GPATCH2: variants seen among roughly 807,000 people sequenced by gnomAD.
The protein encoded by GPATCH2 is G patch domain-containing protein 2.
In GPATCH2, 51 loss-of-function variants were observed where a neutral mutation model predicts 58.0. The observed-to-expected ratio is 0.88, with a 90% confidence interval of 0.70 to 1.11. GPATCH2 has a LOEUF of 1.11. GPATCH2 is among the 50% of genes most tolerant of loss of function. GPATCH2 has a pLI of 0.00. For synonymous variants in GPATCH2, 222 were observed against 218.5 expected (o/e 1.02, Z -0.14); for missense variants, 625 against 652.2 (o/e 0.96, Z 0.45).
Position 217,629,410 on chromosome 1 carries a change from T to G in GPATCH2, c.56+1506A>C, listed in dbSNP as rs187121345. The stretch of plus-strand genomic sequence containing the variant: ...TGACAAGCGAGCCTTTAAAGAGAAT[T>G]GAAGGAGGTTTCTCTCAGTACCTAA... On this transcript the variant is annotated intron_variant, in intron 1 of 9. Coordinates refer to ENST00000366935, the MANE Select transcript of GPATCH2 (RefSeq NM_018040.5). Among the ~76,000 whole-genome samples, 69 of 152,246 alleles carry G rather than the reference T, an allele frequency of 4.5e-4. 1 individual carries two copies. Among genetic ancestry groups the G allele is most frequent in the Admixed American group, 4.1e-3 (62 of 15,286 alleles).
At chr1:217,493,046 A>C (rs1661825978) in intron 7 of GPATCH2, among the ~76,000 whole-genome samples, 1 of 152,148 alleles carries the variant, frequency 6.6e-6, no homozygotes, top group African/African-American at 2.4e-5. Context: ...GTCTGAACTA[A>C]ATAAGTATTC....
At chr1:217,579,257 G>T (rs1257664532) in intron 5 of GPATCH2, among the ~76,000 whole-genome samples, 1 of 151,696 alleles carries the variant, frequency 6.6e-6, no homozygotes, top group East Asian at 1.9e-4. Flanking sequence ...TAAAAAAACA[G>T]TGGCAAAGAA....
chr1:217,449,747 A>G (rs796127224), intron 8 of GPATCH2, among the ~76,000 whole-genome samples: 5 of 152,334 alleles, frequency 3.3e-5, no homozygotes, highest in African/African-American at 1.2e-4. Flanking sequence ...AAGTATGATC[A>G]ATTTCTTTTA....
chr1:217,591,015 T>C (rs918911957), intron 5 of GPATCH2, among the ~76,000 whole-genome samples: 3 of 152,168 alleles, frequency 2.0e-5, no homozygotes, highest in African/African-American at 4.8e-5. Flanking sequence ...AAATAGTTTA[T>C]ATTTTATTTT....
intron 5 of GPATCH2, among the ~76,000 whole-genome samples, chr1:217,575,729 T>C (rs1423956562): frequency 6.6e-6 from 1 of 152,170 alleles, no homozygotes; most frequent in Non-Finnish European, 1.5e-5. Context: ...GCTCTAGATT[T>C]CAATTTAATA....
At chr1:217,472,218 G>A (rs752647785) in intron 8 of GPATCH2, among the ~76,000 whole-genome samples, 1 of 151,090 alleles carries the variant, frequency 6.6e-6, no homozygotes, top group Non-Finnish European at 1.5e-5. Flanking sequence ...GCATAAAAAT[G>A]TGTTAAAACA....
chr1:217,594,726 G>A (rs988041831), intron 5 of GPATCH2, among the ~76,000 whole-genome samples: 13 of 152,090 alleles, frequency 8.5e-5, no homozygotes, highest in African/African-American at 3.1e-4. Flanking sequence ...ATAAGTTTAT[G>A]TCCTCCTAAA....
intron 5 of GPATCH2, among the ~76,000 whole-genome samples, chr1:217,544,693 C>A (rs143918378): frequency 6.6e-6 from 1 of 152,294 alleles, no homozygotes; most frequent in Non-Finnish European, 1.5e-5. Context: ...TCTCGCTCTT[C>A]GGTTCTTCAC....
intron 9 of GPATCH2, among the ~76,000 whole-genome samples, chr1:217,443,051 C>A (rs1425855735): frequency 6.6e-6 from 1 of 152,114 alleles, no homozygotes; most frequent in Non-Finnish European, 1.5e-5. Context: ...ATATTATTGT[C>A]CATCTTACTT....
chr1:217,577,739 A>T (rs12049609), intron 5 of GPATCH2, among the ~76,000 whole-genome samples: 66,485 of 146,502 alleles, frequency 0.45, 16,151 homozygotes, highest in East Asian at 0.92. Flanking sequence ...GGTTTTACTT[A>T]TTATTATTAT....
chr1:217,476,345 C>T (rs926837405), intron 8 of GPATCH2, among the ~76,000 whole-genome samples: 3 of 151,568 alleles, frequency 2.0e-5, no homozygotes, highest in Non-Finnish European at 4.4e-5. Context: ...AGAAGACCAC[C>T]AATTGCCACC....
At chr1:217,541,905 T>C (rs573417002) in intron 5 of GPATCH2, among the ~76,000 whole-genome samples, 1 of 152,304 alleles carries the variant, frequency 6.6e-6, no homozygotes, top group South Asian at 2.1e-4. Context: ...TCAAGCCTCT[T>C]TCACAAGCTA....
intron 9 of GPATCH2, among the ~76,000 whole-genome samples, chr1:217,443,049 G>T (rs1171223736): frequency 1.3e-5 from 2 of 151,872 alleles, no homozygotes. Context: ...ACATATTATT[G>T]TCCATCTTAC....
chr1:217,597,398 G>T (rs571457036), intron 5 of GPATCH2, among the ~76,000 whole-genome samples: 20 of 151,748 alleles, frequency 1.3e-4, no homozygotes, highest in African/African-American at 3.9e-4. Flanking sequence ...CGGATGCGAG[G>T]CTGACCGCCC....
At chr1:217,571,801 G>A (rs759369439) in intron 5 of GPATCH2, among the ~76,000 whole-genome samples, 1 of 151,246 alleles carries the variant, frequency 6.6e-6, no homozygotes, top group Non-Finnish European at 1.5e-5. Flanking sequence ...GCTGAGGCAC[G>A]AGAATCACTT....
At chr1:217,539,835 G>C (rs1664647994) in intron 5 of GPATCH2, among the ~76,000 whole-genome samples, 1 of 152,110 alleles carries the variant, frequency 6.6e-6, no homozygotes, top group Non-Finnish European at 1.5e-5. Context: ...AATGGCAATA[G>C]ATAACCCTGA....
chr1:217,527,421 T>C (rs1450578110), intron 5 of GPATCH2, among the ~76,000 whole-genome samples: 4 of 152,056 alleles, frequency 2.6e-5, no homozygotes, highest in Non-Finnish European at 4.4e-5. Context: ...TCAGTTGGCA[T>C]GTGCCTTGTG....
chr1:217,612,187 A>G (rs1277728745), intron 3 of GPATCH2, among the ~76,000 whole-genome samples: 1 of 152,112 alleles, frequency 6.6e-6, no homozygotes, highest in Admixed American at 6.5e-5. Flanking sequence ...TGTTAAAAAA[A>G]AAAGATAGAG....
At chr1:217,590,517 T>A (rs1352459067) in intron 5 of GPATCH2, among the ~76,000 whole-genome samples, 2 of 152,242 alleles carry the variant, frequency 1.3e-5, no homozygotes, top group Non-Finnish European at 2.9e-5. Flanking sequence ...AAATGATACA[T>A]CTTTTCAGCT....
Sources: gnomAD v4.1 joint callset for allele counts (sites outside exome capture counted in the v4.1 genomes callset) on GRCh38, gnomAD v4.1.1 for gene constraint, MANE v1.5 for transcripts, NCBI Gene and HGNC (gene_info 2026-07-23, HGNC 2026-07-21) for gene names.